NCKAP5: variants seen among roughly 807,000 people sequenced by gnomAD.
NCKAP5 encodes NCK associated protein 5, also known as nck-associated protein 5.
In NCKAP5, 92 loss-of-function variants were observed where a neutral mutation model predicts 167.0. The ratio of observed to expected loss-of-function variants is 0.55; its 90% CI spans 0.47 to 0.66. The LOEUF is 0.66. NCKAP5 is among the 30% of genes least tolerant of loss of function. The pLI, the probability that NCKAP5 is intolerant of heterozygous loss-of-function variation, is 0.00. For synonymous variants in NCKAP5, 891 were observed against 877.4 expected (o/e 1.02, Z -0.27); for missense variants, 2,378 against 2,315.0 (o/e 1.03, Z -0.56).
intron 19 of NCKAP5, 70 bp from the exon 20 acceptor site, chr2:132,673,375 A>G: frequency 8.0e-7 from 1 of 1,250,962 alleles, no homozygotes; most frequent in South Asian, 1.5e-5. Flanking sequence ...TCTAATATTC[A>G]ATTATTGTCT....
intron 6 of NCKAP5, among the ~76,000 whole-genome samples, chr2:133,058,960 A>G (rs548260152): frequency 2.3e-4 from 35 of 152,318 alleles, no homozygotes; most frequent in African/African-American, 8.4e-4. Flanking sequence ...AACCTGATCA[A>G]TCAGCAGCCA....
At chr2:133,057,592 C>A (rs910929520) in intron 6 of NCKAP5, among the ~76,000 whole-genome samples, 1 of 152,188 alleles carries the variant, frequency 6.6e-6, no homozygotes, top group African/African-American at 2.4e-5. Flanking sequence ...GACCTTAACT[C>A]TCTTCAATTC....
chr2:133,635,850 T>A, the NCKAP5 span, among the ~76,000 whole-genome samples: 1 of 152,186 alleles, frequency 6.6e-6, no homozygotes, highest in East Asian at 1.9e-4. Flanking sequence ...AAGTACTAAG[T>A]GAGCTGCCAG....
intron 3 of NCKAP5, among the ~76,000 whole-genome samples, chr2:133,418,734 G>A (rs1013755626): frequency 8.5e-5 from 13 of 152,132 alleles, no homozygotes; most frequent in Admixed American, 7.2e-4. Context: ...AATTGGAAAC[G>A]TTTCTCCATG....
Position 133,111,987 on chromosome 2 carries a change from A to C in NCKAP5, c.341+17991T>G, listed in dbSNP as rs1237562082. 5.9e-5 allele frequency among the ~76,000 whole-genome samples: 9 copies of C among 152,332 alleles called. No homozygotes were observed. The East Asian group carries it at 1.5e-3, about 26-fold the overall frequency. On this transcript the variant is annotated intron_variant, in intron 6 of 19. Coordinates refer to ENST00000409261, the MANE Select transcript of NCKAP5 (RefSeq NM_207363.3). ...GATTCCAGGTAAATTAAAAGAATAC[A>C]TGAGAGGTCACTGAAACAGAAATCC...
intron 5 of NCKAP5, among the ~76,000 whole-genome samples, chr2:133,174,922 G>T (rs938734370): frequency 6.6e-6 from 1 of 151,984 alleles, no homozygotes; most frequent in African/African-American, 2.4e-5. Context: ...CAAAGATGTA[G>T]GTAATCTTGT....
At chr2:132,790,255 A>G in intron 12 of NCKAP5, 50 bp from the exon 13 acceptor site, 1 of 1,508,734 alleles carries the variant, frequency 6.6e-7, no homozygotes, top group Non-Finnish European at 9.0e-7. Context: ...GAGGAGAGTA[A>G]ATATCAACAC....
intron 6 of NCKAP5, among the ~76,000 whole-genome samples, chr2:133,072,979 T>C (rs1410593070): frequency 6.6e-6 from 1 of 152,082 alleles, no homozygotes; most frequent in East Asian, 1.9e-4. Flanking sequence ...CTGAACAAAA[T>C]ACATATAGCA....
chr2:132,929,956 C>A (rs1337452284), intron 8 of NCKAP5: 1 of 152,260 alleles, frequency 6.6e-6, no homozygotes, highest in East Asian at 1.9e-4. Context: ...GTAGCTCACA[C>A]AAGTTCTTGC....
At chr2:132,681,858 C>A (rs1286692744) in intron 19 of NCKAP5, among the ~76,000 whole-genome samples, 1 of 152,140 alleles carries the variant, frequency 6.6e-6, no homozygotes, top group Non-Finnish European at 1.5e-5. Context: ...CATTATGGCA[C>A]CCAATTTATT....
upstream of NCKAP5, among the ~76,000 whole-genome samples, chr2:133,572,511 G>A (rs138669792): frequency 6.6e-6 from 1 of 152,338 alleles, no homozygotes; most frequent in African/African-American, 2.4e-5. Context: ...GCCCTTGGAG[G>A]TGGGCAAGAT....
intron 4 of NCKAP5, among the ~76,000 whole-genome samples, chr2:133,251,056 C>G (rs1232243164): frequency 6.6e-6 from 1 of 151,740 alleles, no homozygotes; most frequent in Non-Finnish European, 1.5e-5. Context: ...CAACCACACA[C>G]TGAAAACATT....
At chr2:132,913,816 G>T (rs1173829791) in intron 8 of NCKAP5, among the ~76,000 whole-genome samples, 2 of 152,128 alleles carry the variant, frequency 1.3e-5, no homozygotes, top group Non-Finnish European at 2.9e-5. Flanking sequence ...ATATTGAAGT[G>T]CATGGAGAAA....
chr2:132,989,869 C>T (rs535007025), intron 7 of NCKAP5, among the ~76,000 whole-genome samples: 61 of 152,284 alleles, frequency 4.0e-4, no homozygotes, highest in African/African-American at 1.4e-3. Flanking sequence ...GAGACCTCTA[C>T]GAGCTTTGCC....
At chr2:133,444,789 C>A (rs1220249301) in intron 3 of NCKAP5, among the ~76,000 whole-genome samples, 1 of 152,158 alleles carries the variant, frequency 6.6e-6, no homozygotes, top group Admixed American at 6.5e-5. Flanking sequence ...AACTCCAGGC[C>A]TGACCCTCTG....
rs533262893 is a variant in NCKAP5 at position 132,841,524 on chromosome 2, T to C, written c.807+18968A>G. 4.6e-5 allele frequency among the ~76,000 whole-genome samples: 7 copies of C among 152,226 alleles called. No homozygotes were observed. In the East Asian group the frequency reaches 1.3e-3, roughly 29 times the overall value. On this transcript the variant is annotated intron_variant, in intron 11 of 19. Transcript: ENST00000409261. ...TTATAGTTGCCATTTCATTTTCACGTCTTATTACCTTTACTAGAACCTTCA... is the reference window on the plus strand; with the variant it reads ...TTATAGTTGCCATTTCATTTTCACGCCTTATTACCTTTACTAGAACCTTCA...
At chr2:133,113,094 C>T (rs2081967295) in intron 6 of NCKAP5, among the ~76,000 whole-genome samples, 1 of 152,162 alleles carries the variant, frequency 6.6e-6, no homozygotes, top group Admixed American at 6.5e-5. Context: ...TCGCTCCGGC[C>T]ACTCACACTT....
the NCKAP5 span, among the ~76,000 whole-genome samples, chr2:133,654,145 A>C: frequency 3.8e-4 from 58 of 152,182 alleles, no homozygotes; most frequent in Middle Eastern, 3.4e-3. Context: ...GCACTTTGGG[A>C]GGCCGAGGCA....
chr2:132,832,290 A>G (rs1394411203), intron 11 of NCKAP5, among the ~76,000 whole-genome samples: 2 of 152,098 alleles, frequency 1.3e-5, no homozygotes, highest in African/African-American at 4.8e-5. Flanking sequence ...CATTTCATAG[A>G]GTGCTTGTTA....
Sources: gnomAD v4.1 joint callset for allele counts (sites outside exome capture counted in the v4.1 genomes callset) on GRCh38, gnomAD v4.1.1 for gene constraint, MANE v1.5 for transcripts, NCBI Gene and HGNC (gene_info 2026-07-23, HGNC 2026-07-21) for gene names.